RMND5A: variants seen among roughly 807,000 people sequenced by gnomAD.
The protein encoded by RMND5A is E3 ubiquitin-protein transferase RMND5A.
Under a neutral mutation model 49.7 loss-of-function variants are expected in RMND5A, and 17 were observed. That is an observed-to-expected ratio of 0.34 (90% CI 0.23 to 0.51). The LOEUF (loss-of-function observed/expected upper bound fraction) is 0.51, where lower values mean the gene tolerates loss of function less well. RMND5A is among the 20% of genes least tolerant of loss of function. RMND5A has a pLI of 0.96. For synonymous variants in RMND5A, 156 were observed against 167.7 expected (o/e 0.93, Z 0.54); for missense variants, 255 against 471.3 (o/e 0.54, Z 4.25).
rs1261139741 is a variant in RMND5A at position 86,734,464 on chromosome 2, ATTG to A, written c.143-6460_143-6458del. Among the ~76,000 whole-genome samples the A allele has an allele frequency of 8.0e-4, 115 of 143,696 alleles. 6 individuals carry two copies. Among genetic ancestry groups the A allele is most frequent in the African/African-American group, 3.1e-3 (109 of 35,268 alleles). 94.3% of individuals were successfully genotyped at this position (143,696 alleles called of 152,430 possible). ...TTCATCCTTTTTTATTTTTATTATT[ATTG>A]TTTTCGAGACCGAGTCTCGCTCTGT... is the stretch of plus-strand genomic sequence containing the variant. On this transcript the variant is annotated intron_variant, in intron 1 of 8. Coordinates refer to ENST00000283632, the MANE Select transcript of RMND5A (RefSeq NM_022780.4).
chr2:86,763,179 A>T (rs1490623803), intron 4 of RMND5A, among the ~76,000 whole-genome samples: 1 of 116,646 alleles, frequency 8.6e-6, no homozygotes, highest in Non-Finnish European at 2.0e-5. Flanking sequence ...TGACTTTTTT[A>T]AAATTAAAAT....
intron 4 of RMND5A, among the ~76,000 whole-genome samples, chr2:86,763,942 C>A (rs1256831592): frequency 1.3e-5 from 2 of 152,122 alleles, no homozygotes; most frequent in African/African-American, 4.8e-5. Flanking sequence ...ACTTTGAAGT[C>A]AAAGAAGCCT....
rs1672715969 is a variant in RMND5A, at chr2:86,773,501, G to A, written c.*90G>A. 24 of 823,434 alleles carry A rather than the reference G, an allele frequency of 2.9e-5. No homozygotes were observed. In the South Asian group the frequency reaches 3.6e-4, roughly 12 times the overall value. The allele number at this position is 823,434 out of a possible 1,614,324, so 51.0% of individuals were successfully genotyped here. ...GTTCCATATAATGCAGCTAACCAAG[G>A]ACTCCTGTGTTTCTATAAGCTAATG... On this transcript the variant is annotated 3_prime_UTR_variant, in exon 9 of 9. Transcript: ENST00000283632.
rs149050742 is a variant in RMND5A, at chr2:86,761,816, A to G, written c.522-3211A>G. ...ATTTCTTGGCAAGGAGTGGGGAGGAATTAAGCAATGCTAGTTTTTTTCTTA... is the reference window on the plus strand; with the variant it reads ...ATTTCTTGGCAAGGAGTGGGGAGGAGTTAAGCAATGCTAGTTTTTTTCTTA... On this transcript the variant is annotated intron_variant, in intron 4 of 8. Transcript: ENST00000283632. Among the ~76,000 whole-genome samples, 64 of 152,324 alleles carry G rather than the reference A, an allele frequency of 4.2e-4. 1 individual carries two copies. The Middle Eastern group carries it at 0.02, about 49-fold the overall frequency.
Position 86,753,556 on chromosome 2 carries a change from G to A in RMND5A, c.519G>A (p.Leu173=). Reference sequence around the variant, plus strand: ...AGGTCAGAGTTCTGAGACCTGCTCTGGAGTGAGTATTGAGTTTGCTTTCTT... The same window carrying A: ...AGGTCAGAGTTCTGAGACCTGCTCTAGAGTGAGTATTGAGTTTGCTTTCTT... ...ALKVRVLRPA[L]EWAVSNREML... The change falls in exon 4 of 9, where the codon CTG becomes CTA. Residue 173 remains leucine (L), a splice_region_variant and synonymous_variant. Coordinates refer to ENST00000283632, the MANE Select transcript of RMND5A (RefSeq NM_022780.4). The A allele has an allele frequency of 6.5e-7, 1 of 1,543,638 alleles. No individual in the cohort carries two copies.
chr2:86,766,089 T>G (rs1044584090), intron 6 of RMND5A, 65 bp downstream of exon 6: 1 of 1,408,604 alleles, frequency 7.1e-7, no homozygotes, highest in Non-Finnish European at 9.6e-7. Context: ...CTTAACTTGT[T>G]TGGTTCTTGA....
At chr2:86,753,410 T>C (rs1468593884) in intron 3 of RMND5A, 48 bp from the exon 4 acceptor site, 2 of 1,122,200 alleles carry the variant, frequency 1.8e-6, no homozygotes, top group Non-Finnish European at 2.7e-6. Context: ...ACTAGCTCCT[T>C]ACCCTGATTA....
Position 86,776,397 on chromosome 2 carries a change from A to G in RMND5A, c.*2986A>G, listed in dbSNP as rs1209509957. 6.6e-6 allele frequency: 1 copy of G among 152,242 alleles called. No homozygotes were observed. Among genetic ancestry groups the G allele is most frequent in the Non-Finnish European group, 1.5e-5 (1 of 68,044 alleles). The allele number at this position is 152,242 out of a possible 1,614,324, so 9.4% of individuals were successfully genotyped here. On this transcript the variant is annotated 3_prime_UTR_variant, in exon 9 of 9. Transcript: ENST00000283632. ...GAGTGTGAGCATTTAATTGAAAATAAGAAAGCTATGAAGTAAATGTTAACT... is the reference window on the plus strand; with the variant it reads ...GAGTGTGAGCATTTAATTGAAAATAGGAAAGCTATGAAGTAAATGTTAACT...
chr2:86,769,980 G>C (rs1230173777), intron 6 of RMND5A, 43 bp from the exon 7 acceptor site: 2 of 1,471,354 alleles, frequency 1.4e-6, no homozygotes, highest in East Asian at 2.3e-5. Flanking sequence ...CAAGCGGCCT[G>C]ACCCCTGGCC....
At chr2:86,743,871 G>T (rs1198475585) in intron 2 of RMND5A, among the ~76,000 whole-genome samples, 1 of 151,474 alleles carries the variant, frequency 6.6e-6, no homozygotes, top group Non-Finnish European at 1.5e-5. Flanking sequence ...CCAGTTACTT[G>T]GGAGGCTGAG....
chr2:86,755,653 C>T (rs1317420084), intron 4 of RMND5A, among the ~76,000 whole-genome samples: 1 of 152,172 alleles, frequency 6.6e-6, no homozygotes, highest in African/African-American at 2.4e-5. Flanking sequence ...AGACTTTTCT[C>T]CTAAGAGCCT....
chr2:86,770,614 C>G (rs764025093), intron 7 of RMND5A, among the ~76,000 whole-genome samples: 21 of 152,314 alleles, frequency 1.4e-4, no homozygotes, highest in Non-Finnish European at 2.8e-4. Flanking sequence ...TTCTACTGCT[C>G]TCATGGAAAG....
chr2:86,746,300 T>C (rs891502840), intron 2 of RMND5A, among the ~76,000 whole-genome samples: 11 of 152,212 alleles, frequency 7.2e-5, no homozygotes, highest in Non-Finnish European at 2.9e-5. Flanking sequence ...TTTGTTTTTG[T>C]TTATATTTTC....
At chr2:86,772,334 A>G (rs1261868357) in intron 8 of RMND5A, among the ~76,000 whole-genome samples, 1 of 152,172 alleles carries the variant, frequency 6.6e-6, no homozygotes, top group Non-Finnish European at 1.5e-5. Context: ...GGACACCTGT[A>G]GTCCCAGTTA....
In RMND5A at chr2:86,778,003, A is replaced by G. The variant is rs543204471; in HGVS notation, c.*4592A>G. On this transcript the variant is annotated 3_prime_UTR_variant, in exon 9 of 9. Coordinates refer to ENST00000283632, the MANE Select transcript of RMND5A (RefSeq NM_022780.4). ...GTAAAACACATGGCTTTTCCTGTGT[A>G]TATTTTTAAAAATTAAAGAAATGCA... The G allele has an allele frequency of 1.3e-5, 2 of 152,340 alleles. No individual in the cohort carries two copies. Among genetic ancestry groups the G allele is most frequent in the African/African-American group, 4.8e-5 (2 of 41,572 alleles). 9.4% of individuals were successfully genotyped at this position (152,340 alleles called of 1,614,324 possible).
At chr2:86,769,694 G>A (rs1430968524) in intron 6 of RMND5A, among the ~76,000 whole-genome samples, 3 of 149,688 alleles carry the variant, frequency 2.0e-5, no homozygotes, top group Non-Finnish European at 3.0e-5. Context: ...TTTTTTTAAC[G>A]TTTGCGTTCT....
intron 4 of RMND5A, among the ~76,000 whole-genome samples, chr2:86,759,666 G>A (rs1335496992): frequency 6.7e-6 from 1 of 148,718 alleles, no homozygotes; most frequent in Non-Finnish European, 1.5e-5. Flanking sequence ...CAGGCGCGGT[G>A]GTGAGCACCT....
At chr2:86,762,756 T>C (rs1198362694) in intron 4 of RMND5A, among the ~76,000 whole-genome samples, 1 of 145,196 alleles carries the variant, frequency 6.9e-6, no homozygotes, top group Non-Finnish European at 1.5e-5. Flanking sequence ...TATCACACTT[T>C]CAAGCTGAGC....
At chr2:86,753,647 T>G in intron 4 of RMND5A, 89 bp downstream of exon 4, 1 of 633,830 alleles carries the variant, frequency 1.6e-6, no homozygotes. Context: ...TTTTTAGATA[T>G]ATTTATCTTA....
Sources: gnomAD v4.1 joint callset for allele counts (sites outside exome capture counted in the v4.1 genomes callset) on GRCh38, gnomAD v4.1.1 for gene constraint, MANE v1.5 for transcripts, NCBI Gene and HGNC (gene_info 2026-07-23, HGNC 2026-07-21) for gene names.